Variants in CCS observed in about 807,000 individuals in gnomAD.
CCS encodes the protein copper chaperone for superoxide dismutase, also known as superoxide dismutase copper chaperone.
In CCS, 32 loss-of-function variants were observed where a neutral mutation model predicts 35.5. That is an observed-to-expected ratio of 0.90 (90% CI 0.68 to 1.21). The LOEUF is 1.21. Among genes scored for constraint, CCS ranks in the 50% most tolerant of loss-of-function variants. CCS has a pLI of 0.00. For synonymous variants in CCS, 130 were observed against 147.2 expected (o/e 0.88, Z 0.84); for missense variants, 342 against 375.4 (o/e 0.91, Z 0.73).
In CCS at chr11:66,600,568, T is replaced by C; in HGVS notation, c.489+19T>C. ...TGACCGGGTAAGTGTCTGTCTGGGT[T>C]TGGGCTTGGGCTGAGAGAGGACCCA... On this transcript the variant is annotated intron_variant, in intron 5 of 7. Transcript: ENST00000533244. 1 of 1,448,190 alleles carries C rather than the reference T, an allele frequency of 6.9e-7. No individual in the cohort carries two copies. Among genetic ancestry groups the C allele is most frequent in the Non-Finnish European group, 9.3e-7 (1 of 1,079,184 alleles). 89.7% of individuals were successfully genotyped at this position (1,448,190 alleles called of 1,614,324 possible).
At chr11:66,595,589 C>G (rs981908527) in intron 2 of CCS, among the ~76,000 whole-genome samples, 1 of 152,004 alleles carries the variant, frequency 6.6e-6, no homozygotes, top group South Asian at 2.1e-4. Context: ...TGGGGGAAGG[C>G]CTTCTCAGGA....
intron 2 of CCS, among the ~76,000 whole-genome samples, chr11:66,598,083 CAAA>C (rs111850375): frequency 8.9e-6 from 1 of 112,102 alleles, no homozygotes. Flanking sequence ...GACTCTGTCT[CAAA>C]AAAAAAAAAA....
chr11:66,605,239 T>C (rs761955317), intron 5 of CCS, 100 bp from the exon 6 acceptor site: 3 of 1,565,992 alleles, frequency 1.9e-6, no homozygotes, highest in South Asian at 1.2e-5. Context: ...ATGGGTACTT[T>C]AGGGAAGCAG....
intron 2 of CCS, among the ~76,000 whole-genome samples, chr11:66,594,946 A>G (rs1195233436): frequency 1.3e-5 from 2 of 152,162 alleles, no homozygotes; most frequent in Admixed American, 1.3e-4. Context: ...GCTTCGTGGA[A>G]AGAGCAATGG....
At chr11:66,595,057 C>T (rs1858453637) in intron 2 of CCS, among the ~76,000 whole-genome samples, 1 of 152,200 alleles carries the variant, frequency 6.6e-6, no homozygotes, top group African/African-American at 2.4e-5. Context: ...CAAACCCCCT[C>T]TTTGCCACTT....
intron 2 of CCS, among the ~76,000 whole-genome samples, chr11:66,597,491 G>A (rs1324720799): frequency 2.7e-5 from 4 of 149,330 alleles, no homozygotes; most frequent in Admixed American, 2.7e-4. Context: ...GGTGGCTCAT[G>A]CCTGTATTCC....
At chr11:66,595,765 C>T (rs185660297) in intron 2 of CCS, among the ~76,000 whole-genome samples, 20 of 152,278 alleles carry the variant, frequency 1.3e-4, no homozygotes, top group African/African-American at 4.6e-4. Context: ...AAGGAGCAAA[C>T]TGAATGGCTG....
chr11:66,599,374 T>C (rs1858533820), intron 3 of CCS, 85 bp from the exon 4 acceptor site: 3 of 1,493,472 alleles, frequency 2.0e-6, no homozygotes, highest in Non-Finnish European at 2.7e-6. Context: ...GTGAAAATTA[T>C]GTGAGACTCC....
rs561125812 is a variant in CCS at position 66,605,766 on chromosome 11, T to C, written c.736T>C (p.Cys246Arg). ...CCAGAACCCCAAGCAGATCTGCTCT[T>C]GCGATGGCCTCACCATCTGGGAGGA... is the stretch of plus-strand genomic sequence containing the variant. ...LFQNPKQICS[C>R]DGLTIWEERG... Residue 246 changes from cysteine (C) to arginine (R), a missense_variant, in exon 8 of 8, where the codon TGC becomes CGC. Transcript: ENST00000533244. 2 of 1,608,172 alleles carry C rather than the reference T, an allele frequency of 1.2e-6. No individual in the cohort carries two copies. The highest frequency in any genetic ancestry group is 2.2e-5 in the East Asian group (1 of 44,794).
At chr11:66,600,416 A>G in intron 4 of CCS, 73 bp from the exon 5 acceptor site, 1 of 871,812 alleles carries the variant, frequency 1.1e-6, no homozygotes, top group Admixed American at 2.7e-5. Flanking sequence ...TGAAGCAAAT[A>G]TAAATAGATG....
chr11:66,600,551 T>C lies in CCS; in HGVS notation c.489+2T>C. The C allele has an allele frequency of 6.6e-7, 1 of 1,509,964 alleles. No homozygotes were observed. Among genetic ancestry groups the C allele is most frequent in the Non-Finnish European group, 8.9e-7 (1 of 1,120,196 alleles). 93.5% of individuals were successfully genotyped at this position (1,509,964 alleles called of 1,614,324 possible). ...GGGGGCCCCCAGGACTCTGACCGGG[T>C]AAGTGTCTGTCTGGGTTTGGGCTTG... On this transcript the variant is annotated splice_donor_variant, in intron 5 of 7. Coordinates refer to ENST00000533244, the MANE Select transcript of CCS (RefSeq NM_005125.2). LOFTEE classifies it high-confidence loss of function.
chr11:66,598,547 AC>A (rs2134981153), intron 2 of CCS, among the ~76,000 whole-genome samples: 1 of 97,404 alleles, frequency 1.0e-5, no homozygotes, highest in East Asian at 3.5e-4. Context: ...GCTATCTCCT[AC>A]AGGAAGAATA....
chr11:66,594,774 CAAAAAAA>C (rs992030660), intron 2 of CCS, among the ~76,000 whole-genome samples: 5 of 65,030 alleles, frequency 7.7e-5, no homozygotes, highest in Non-Finnish European at 1.3e-4. Context: ...GACCCTCTCT[CAAAAAAA>C]AAAAAAAAAA....
rs561542264 is a variant in CCS at position 66,600,895 on chromosome 11, G to T, written c.489+346G>T. Among the ~76,000 whole-genome samples, 29 of 152,290 alleles carry T rather than the reference G, an allele frequency of 1.9e-4. No individual in the cohort carries two copies. In the East Asian group the frequency reaches 5.6e-3, roughly 29 times the overall value. ...ATCTGCCTGAGGGGCAGGGGCAGTG[G>T]GAGGAAGTGAAATATGGAAGTTGAG... On this transcript the variant is annotated intron_variant, in intron 5 of 7. Coordinates refer to ENST00000533244, the MANE Select transcript of CCS (RefSeq NM_005125.2).
chr11:66,594,471 TGATTCTGTTAAGTGTTTATCCAG>T (rs942621202), intron 2 of CCS, among the ~76,000 whole-genome samples: 8 of 151,656 alleles, frequency 5.3e-5, no homozygotes, highest in African/African-American at 1.9e-4. Flanking sequence ...TGGCTTCCTT[TGATTCTGTTAAGTGTTTATCCAG>T]GCCAGGCTCA....
intron 4 of CCS, chr11:66,600,022 G>A (rs534520995): frequency 9.2e-5 from 18 of 196,360 alleles, no homozygotes; most frequent in Non-Finnish European, 1.3e-4. Flanking sequence ...AGGGAGGCCC[G>A]TAATCTCCTG....
intron 2 of CCS, among the ~76,000 whole-genome samples, chr11:66,598,765 A>G (rs1858523152): frequency 6.6e-6 from 1 of 151,968 alleles, no homozygotes; most frequent in South Asian, 2.1e-4. Context: ...GGTTATTTTT[A>G]TCTTTTGGCT....
chr11:66,601,374 G>A (rs1484894273), intron 5 of CCS, among the ~76,000 whole-genome samples: 2 of 152,208 alleles, frequency 1.3e-5, no homozygotes, highest in Non-Finnish European at 2.9e-5. Context: ...TTACAGGCGT[G>A]AGCCACTGTG....
In CCS at chr11:66,605,574, C is replaced by T; in HGVS notation, c.653C>T (p.Thr218Ile). 2 of 1,613,852 alleles carry T rather than the reference C, an allele frequency of 1.2e-6. No homozygotes were observed. The highest frequency in any genetic ancestry group is 1.1e-5 in the South Asian group (1 of 90,986). Residue 218 changes from threonine to isoleucine, a missense_variant, in exon 7 of 8, where the codon ACA becomes ATA. Thr to Ile is a moderately conservative substitution (Grantham distance 89). Coordinates refer to ENST00000533244, the MANE Select transcript of CCS (RefSeq NM_005125.2). ...GGAGGCCATCCCTTATCCAAGATCA[C>T]AGGGAACTCCGGGGAGAGGTGAGTG... ...GRGGHPLSKI[T>I]GNSGERLACG...
Sources: allele counts gnomAD v4.1 joint callset (sites outside exome capture counted in the v4.1 genomes callset), GRCh38; gene constraint gnomAD v4.1.1; transcripts MANE v1.5; gene names NCBI Gene and HGNC (gene_info 2026-07-23, HGNC 2026-07-21).